ITGAX: variants seen among roughly 807,000 people sequenced by gnomAD.
ITGAX encodes the protein integrin subunit alpha X, also known as integrin alpha-X.
ITGAX carries 99 observed loss-of-function variants against 140.2 expected under a neutral mutation model. The observed-to-expected ratio is 0.71, with a 90% CI of 0.60 to 0.83. The LOEUF is 0.83. ITGAX is among the 40% of genes least tolerant of loss of function. The pLI, the probability that ITGAX is intolerant of heterozygous loss-of-function variation, is 0.00. For missense variants in ITGAX, 1,444 were observed against 1,482.0 expected (o/e 0.97, Z 0.42); for synonymous variants, 631 against 600.4 (o/e 1.05, Z -0.75).
intron 23 of ITGAX, among the ~76,000 whole-genome samples, chr16:31,377,905 G>A (rs1451424370): frequency 6.6e-6 from 1 of 152,206 alleles, no homozygotes; most frequent in East Asian, 1.9e-4. Context: ...GCAATATAGT[G>A]AGACCCTAGC....
Position 31,376,779 on chromosome 16 carries a change from C to T in ITGAX, c.2509-20C>T, listed in dbSNP as rs1247488453. The T allele has an allele frequency of 5.0e-6, 8 of 1,611,250 alleles. No homozygotes were observed. The highest frequency in any genetic ancestry group is 4.4e-5 in the South Asian group (4 of 91,020). On this transcript the variant is annotated intron_variant, in intron 20 of 29. Transcript: ENST00000268296. ...GCTTTCAATTTCAACTAATACTCCT[C>T]TACTTTTTCTCATGCCTAGAAACAA...
rs747462483 is a variant in ITGAX, at chr16:31,377,274, G to C, written c.2789+9G>C. On this transcript the variant is annotated intron_variant, in intron 23 of 29. Transcript: ENST00000268296. ...TACACTGTGGTTAGCAGGTCAGCAG[G>C]TACCCCACTGCAGGAAAAAGGGTTC... is the stretch of plus-strand genomic sequence containing the variant. 6.2e-7 allele frequency: 1 copy of C among 1,601,152 alleles called. No individual in the cohort carries two copies. Among genetic ancestry groups the C allele is most frequent in the Non-Finnish European group, 8.5e-7 (1 of 1,173,058 alleles).
chr16:31,367,935 A>AG (rs1174414675), intron 14 of ITGAX, among the ~76,000 whole-genome samples: 4 of 152,198 alleles, frequency 2.6e-5, no homozygotes, highest in Non-Finnish European at 5.9e-5. Flanking sequence ...GATTCATCAG[A>AG]GGGGGTCAAA....
In ITGAX at chr16:31,382,233, T is replaced by C. The variant is rs1379931395; in HGVS notation, c.*326T>C. The C allele has an allele frequency of 5.8e-6, 7 of 1,200,712 alleles. No individual in the cohort carries two copies. Among genetic ancestry groups the C allele is most frequent in the Non-Finnish European group, 5.3e-6 (5 of 940,852 alleles). 74.4% of individuals were successfully genotyped at this position (1,200,712 alleles called of 1,614,324 possible). A position where few individuals can be genotyped will look rare whatever the true frequency, so the allele number is the denominator to read the frequency against. On this transcript the variant is annotated 3_prime_UTR_variant, in exon 30 of 30. Transcript: ENST00000268296. The stretch of plus-strand genomic sequence containing the variant: ...GAATGATCTTTCTTTCCTTTCTTTT[T>C]TTTTTTTTTTCTTTTCTTTTTTTTT...
intron 24 of ITGAX, 41 bp from the exon 25 acceptor site, chr16:31,379,708 AGGGATTTG>A (rs2081050544): frequency 6.3e-7 from 1 of 1,593,680 alleles, no homozygotes; most frequent in African/African-American, 1.3e-5. Context: ...GAGACTGGGG[AGGGATTTG>A]GGCTTTGGCG....
rs758786922 is a variant in ITGAX, at chr16:31,357,017, A to G, written c.248-14A>G. On this transcript the variant is annotated splice_polypyrimidine_tract_variant and intron_variant, in intron 3 of 29. Coordinates refer to ENST00000268296, the MANE Select transcript of ITGAX (RefSeq NM_000887.5). ...TACCCCCGAGAGTGACCATGCACAT[A>G]TCTGTCCCCACAGTGCCCCCGGAGG... 4 of 1,602,840 alleles carry G rather than the reference A, an allele frequency of 2.5e-6. No homozygotes were observed. In the East Asian group the frequency reaches 6.7e-5, roughly 27 times the overall value.
chr16:31,369,103 G>T (rs573189602), intron 14 of ITGAX, among the ~76,000 whole-genome samples: 1 of 151,982 alleles, frequency 6.6e-6, no homozygotes, highest in East Asian at 1.9e-4. Flanking sequence ...ATCATGGCCC[G>T]TTCTCAATGA....
chr16:31,371,284 G>A (rs781212674), intron 15 of ITGAX, 50 bp from the exon 16 acceptor site: 19 of 1,609,086 alleles, frequency 1.2e-5, no homozygotes, highest in Non-Finnish European at 1.5e-5. Flanking sequence ...ACCCCACGTG[G>A]TGCTCCCAGG....
At chr16:31,372,915 A>AACAACAAC (rs1555477766) in intron 19 of ITGAX, among the ~76,000 whole-genome samples, 2 of 149,534 alleles carry the variant, frequency 1.3e-5, no homozygotes, top group Admixed American at 1.3e-4. Context: ...CACAAAAACA[A>AACAACAAC]AACAACAACA....
chr16:31,360,885 A>G (rs908124929), intron 8 of ITGAX, 178 bp from the exon 9 acceptor site: 8 of 607,648 alleles, frequency 1.3e-5, no homozygotes, highest in Non-Finnish European at 2.3e-5. Context: ...TCTGCCCCAG[A>G]CTGGAGACCA....
chr16:31,379,810 T>C lies in ITGAX; in HGVS notation c.2922T>C (p.Pro974=), dbSNP rs2081051743. ...DLPVSINFWV[P]VELNQEAVWM... ...CTGTCAGCATCAACTTCTGGGTGCC[T>C]GTGGAGCTGAACCAGGAGGCTGTGT... is the stretch of plus-strand genomic sequence containing the variant. Residue 974 remains proline, a synonymous_variant, in exon 25 of 30, where the codon CCT becomes CCC. Coordinates refer to ENST00000268296, the MANE Select transcript of ITGAX (RefSeq NM_000887.5). 6.2e-7 allele frequency: 1 copy of C among 1,614,040 alleles called. No individual in the cohort carries two copies. The highest frequency in any genetic ancestry group is 1.7e-5 in the Admixed American group (1 of 59,982).
chr16:31,356,055 C>A (rs1481698980), intron 2 of ITGAX, 57 bp downstream of exon 2: 1 of 1,257,446 alleles, frequency 8.0e-7, no homozygotes, highest in Non-Finnish European at 1.2e-6. Flanking sequence ...TGCTCAGGGC[C>A]CCATGCCCCC....
intron 5 of ITGAX, 127 bp downstream of exon 5, chr16:31,357,491 T>C (rs2142480349): frequency 1.5e-6 from 1 of 651,068 alleles, no homozygotes; most frequent in South Asian, 2.0e-5. Context: ...TACCACGTGT[T>C]GCAGTGGTTC....
chr16:31,357,532 C>A (rs553555812), intron 5 of ITGAX, 168 bp downstream of exon 5: 1 of 589,612 alleles, frequency 1.7e-6, no homozygotes, highest in East Asian at 2.9e-5. Flanking sequence ...TCCTGCCGAT[C>A]GCCCGCACGC....
intron 7 of ITGAX, 89 bp downstream of exon 7, chr16:31,360,154 G>T (rs1338826544): frequency 3.2e-6 from 5 of 1,558,958 alleles, no homozygotes; most frequent in Non-Finnish European, 4.3e-6. Flanking sequence ...GGACAGGCAG[G>T]GACCAAAATC....
At position 31,367,854 on chromosome 16, in the gene ITGAX, A is replaced by T. The variant is rs187674875; in HGVS notation, c.1711-3230A>T. 2.0e-4 allele frequency among the ~76,000 whole-genome samples: 31 copies of T among 152,314 alleles called. 1 individual carries two copies. The highest frequency in any genetic ancestry group is 1.8e-3 in the Admixed American group (27 of 15,284). ...CCATAGATAGTGATTCTTCTGATGG[A>T]TCTGGGCAAAGTCAATTGAAAACCT... On this transcript the variant is annotated intron_variant, in intron 14 of 29. Transcript: ENST00000268296.
intron 20 of ITGAX, among the ~76,000 whole-genome samples, chr16:31,376,062 AGAT>A (rs2081016355): frequency 6.6e-6 from 1 of 152,218 alleles, no homozygotes; most frequent in Admixed American, 6.5e-5. Flanking sequence ...AAGTATTTCT[AGAT>A]GAAACAATAT....
chr16:31,366,092 G>A (rs756394800), intron 14 of ITGAX, among the ~76,000 whole-genome samples: 29 of 152,192 alleles, frequency 1.9e-4, no homozygotes, highest in Non-Finnish European at 3.2e-4. Flanking sequence ...TGTTTTATGC[G>A]CTTTGCAGAT....
intron 7 of ITGAX, 115 bp downstream of exon 7, chr16:31,360,180 T>G: frequency 6.6e-7 from 1 of 1,520,278 alleles, no homozygotes; most frequent in Non-Finnish European, 8.9e-7. Context: ...CGTGATACCC[T>G]TGCCAAGCTG....
Sources: allele counts gnomAD v4.1 joint callset (sites outside exome capture counted in the v4.1 genomes callset), GRCh38; gene constraint gnomAD v4.1.1; transcripts MANE v1.5; gene names NCBI Gene and HGNC (gene_info 2026-07-23, HGNC 2026-07-21).